Variants in JAZF1 observed in about 807,000 individuals in gnomAD.
JAZF1 encodes JAZF zinc finger 1.
Under a neutral mutation model 26.4 loss-of-function variants are expected in JAZF1, and 8 were observed. The ratio of observed to expected loss-of-function variants is 0.30; its 90% CI spans 0.18 to 0.55. JAZF1 has a LOEUF of 0.55. Among genes scored for constraint, JAZF1 ranks in the 20% least tolerant of loss-of-function variants. JAZF1 has a pLI of 0.94. For synonymous variants in JAZF1, 126 were observed against 122.3 expected (o/e 1.03, Z -0.20); for missense variants, 199 against 322.0 (o/e 0.62, Z 2.92).
intron 1 of JAZF1, among the ~76,000 whole-genome samples, chr7:28,072,200 G>A (rs1203204752): frequency 2.0e-5 from 3 of 152,184 alleles, no homozygotes; most frequent in African/African-American, 7.2e-5. Flanking sequence ...ATTGCCCCAA[G>A]CATTATTCCA....
Position 28,180,500 on chromosome 7 carries a change from C to T in JAZF1, c.78G>A (p.Leu26=). ...CCTCGATGTGCTCGATGAGGTCGGC[C>T]AGGGTGGGGAAGTGGAGTCCGCAGC... The part of the protein sequence containing the change: ...FGGCGLHFPT[L]ADLIEHIEDN... The change falls in exon 1 of 5, where the codon CTG becomes CTA. Residue 26 remains leucine, a synonymous_variant. Coordinates refer to ENST00000283928, the MANE Select transcript of JAZF1 (RefSeq NM_175061.4). 9.9e-6 allele frequency: 16 copies of T among 1,610,840 alleles called. No individual in the cohort carries two copies. Among genetic ancestry groups the T allele is most frequent in the Non-Finnish European group, 1.2e-5 (14 of 1,178,980 alleles).
At chr7:28,080,993 A>AG (rs914094123) in intron 1 of JAZF1, among the ~76,000 whole-genome samples, 1 of 152,122 alleles carries the variant, frequency 6.6e-6, no homozygotes, top group Admixed American at 6.5e-5. Context: ...GTGTGCCTGT[A>AG]GGGGGGAAGG....
intron 1 of JAZF1, among the ~76,000 whole-genome samples, chr7:28,160,396 C>T (rs1404913260): frequency 6.6e-6 from 1 of 151,968 alleles, no homozygotes; most frequent in African/African-American, 2.4e-5. Context: ...TACCTGTGTC[C>T]CCCATCTAGA....
chr7:28,031,010 T>C (rs924086658), intron 1 of JAZF1, among the ~76,000 whole-genome samples: 1 of 152,190 alleles, frequency 6.6e-6, no homozygotes, highest in African/African-American at 2.4e-5. Context: ...TTCCCAGGCA[T>C]CTCATCAATT....
chr7:28,105,518 A>C (rs1784538414), intron 1 of JAZF1, among the ~76,000 whole-genome samples: 1 of 152,198 alleles, frequency 6.6e-6, no homozygotes, highest in African/African-American at 2.4e-5. Context: ...AGTTGATAGG[A>C]AGGCAGCTGC....
chr7:28,131,926 C>T (rs1416454879), intron 1 of JAZF1, among the ~76,000 whole-genome samples: 1 of 152,094 alleles, frequency 6.6e-6, no homozygotes, highest in East Asian at 1.9e-4. Context: ...CACAAATCTT[C>T]AAATTTATTG....
At chr7:27,864,506 C>G (rs747196322) in intron 3 of JAZF1, among the ~76,000 whole-genome samples, 1 of 152,152 alleles carries the variant, frequency 6.6e-6, no homozygotes, top group Admixed American at 6.5e-5. Context: ...TGGGTTTGCC[C>G]GGCTCAGAGC....
At chr7:27,973,053 C>T (rs933212810) in intron 2 of JAZF1, among the ~76,000 whole-genome samples, 1 of 150,620 alleles carries the variant, frequency 6.6e-6, no homozygotes, top group African/African-American at 2.4e-5. Context: ...TATATATATG[C>T]ATATCTCCAT....
At chr7:28,037,859 A>T (rs1031221961) in intron 1 of JAZF1, among the ~76,000 whole-genome samples, 1 of 152,200 alleles carries the variant, frequency 6.6e-6, no homozygotes, top group Non-Finnish European at 1.5e-5. Context: ...ATTTTTGGAC[A>T]GCATGAATTA....
intron 2 of JAZF1, among the ~76,000 whole-genome samples, chr7:27,927,271 C>T (rs1359538386): frequency 2.0e-5 from 3 of 152,148 alleles, no homozygotes; most frequent in African/African-American, 4.8e-5. Flanking sequence ...CCAATTTCTT[C>T]CCTGCACTTC....
intron 2 of JAZF1, among the ~76,000 whole-genome samples, chr7:27,910,354 G>GA (rs1411463109): frequency 1.3e-5 from 2 of 152,014 alleles, no homozygotes; most frequent in African/African-American, 2.4e-5. Context: ...GGGTTATCTG[G>GA]AAAAAAATTC....
chr7:27,901,921 C>T (rs1008636633), intron 2 of JAZF1, among the ~76,000 whole-genome samples: 1 of 152,206 alleles, frequency 6.6e-6, no homozygotes, highest in Admixed American at 6.5e-5. Flanking sequence ...GTTTTGACTT[C>T]AACCCATTAT....
At chr7:27,839,074 A>G (rs1301707458) in intron 4 of JAZF1, among the ~76,000 whole-genome samples, 1 of 152,200 alleles carries the variant, frequency 6.6e-6, no homozygotes, top group East Asian at 1.9e-4. Flanking sequence ...ACAAGGAGGA[A>G]AGGATGCGAG....
chr7:28,085,226 T>C (rs1043556485), intron 1 of JAZF1, among the ~76,000 whole-genome samples: 3 of 152,226 alleles, frequency 2.0e-5, no homozygotes, highest in Non-Finnish European at 4.4e-5. Context: ...CTGAAACATA[T>C]GATTTTTATG....
intron 3 of JAZF1, among the ~76,000 whole-genome samples, chr7:27,875,862 A>T (rs1049736119): frequency 6.6e-6 from 1 of 152,246 alleles, no homozygotes; most frequent in Non-Finnish European, 1.5e-5. Context: ...ACTAGTAATT[A>T]TCCTAGGAGC....
chr7:28,065,961 T>C (rs1783874198), intron 1 of JAZF1, among the ~76,000 whole-genome samples: 1 of 152,176 alleles, frequency 6.6e-6, no homozygotes, highest in Non-Finnish European at 1.5e-5. Flanking sequence ...CTGGACCAGA[T>C]GGATCGCAAA....
At chr7:27,953,643 C>T (rs1016757376) in intron 2 of JAZF1, among the ~76,000 whole-genome samples, 2 of 152,192 alleles carry the variant, frequency 1.3e-5, no homozygotes, top group Non-Finnish European at 2.9e-5. Context: ...GGCATGCACA[C>T]ACCTATATTC....
intron 1 of JAZF1, among the ~76,000 whole-genome samples, chr7:28,070,469 T>C (rs1372579417): frequency 1.3e-5 from 2 of 152,242 alleles, no homozygotes; most frequent in Non-Finnish European, 2.9e-5. Context: ...GCTAAGCACA[T>C]GTTTTTAAAA....
At chr7:28,058,493 T>A (rs1008666909) in intron 1 of JAZF1, among the ~76,000 whole-genome samples, 3 of 152,126 alleles carry the variant, frequency 2.0e-5, no homozygotes, top group African/African-American at 7.2e-5. Context: ...TACAAGTTCA[T>A]CTTTTGGCCT....
Sources: gnomAD v4.1 joint callset for allele counts (sites outside exome capture counted in the v4.1 genomes callset) on GRCh38, gnomAD v4.1.1 for gene constraint, MANE v1.5 for transcripts, NCBI Gene and HGNC (gene_info 2026-07-23, HGNC 2026-07-21) for gene names.